ROR2: variants seen among roughly 807,000 people sequenced by gnomAD.
ROR2 encodes ROR family WNT receptor 2, also known as tyrosine-protein kinase transmembrane receptor ROR2.
Under a neutral mutation model 74.9 loss-of-function variants are expected in ROR2, and 33 were observed. The ratio of observed to expected loss-of-function variants is 0.44; its 90% CI spans 0.33 to 0.59. The LOEUF (loss-of-function observed/expected upper bound fraction) is 0.59. ROR2 is among the 20% of genes least tolerant of loss of function. The pLI is 0.02. For missense variants in ROR2, 1,216 were observed against 1,313.8 expected, an observed-to-expected ratio of 0.93 and a Z score of 1.15; for synonymous variants, 586 against 558.7, an observed-to-expected ratio of 1.05 and a Z score of -0.69.
intron 1 of ROR2, among the ~76,000 whole-genome samples, chr9:91,821,818 T>C (rs1301445281): frequency 1.3e-5 from 2 of 152,272 alleles, no homozygotes; most frequent in East Asian, 3.9e-4. Context: ...ATGCCCACTA[T>C]ACTATCTACT....
intron 1 of ROR2, among the ~76,000 whole-genome samples, chr9:91,845,030 A>G (rs1300948547): frequency 6.6e-6 from 1 of 152,208 alleles, no homozygotes; most frequent in Non-Finnish European, 1.5e-5. Flanking sequence ...TTATGAATCC[A>G]ATCCAGCAGA....
intron 1 of ROR2, among the ~76,000 whole-genome samples, chr9:91,841,950 A>AC (rs1334326196): frequency 6.6e-6 from 1 of 152,146 alleles, no homozygotes; most frequent in African/African-American, 2.4e-5. Flanking sequence ...AGAATGCCTT[A>AC]CCCAAGGCCA....
At chr9:91,852,511 T>C (rs1169849869) in intron 1 of ROR2, among the ~76,000 whole-genome samples, 3 of 152,056 alleles carry the variant, frequency 2.0e-5, no homozygotes, top group African/African-American at 7.2e-5. Context: ...TACAGGAGGA[T>C]TTCCTGAAAG....
At position 91,916,915 on chromosome 9, in the gene ROR2, G is replaced by A. The variant is rs115092830; in HGVS notation, c.97+32952C>T. On this transcript the variant is annotated intron_variant, in intron 1 of 8. Coordinates refer to ENST00000375708, the MANE Select transcript of ROR2 (RefSeq NM_004560.4). ...AAAGAAGAGGCTTCACTAGATGGTC[G>A]AGGTTGTCCCATGCTGGAGTGGAAA... Among the ~76,000 whole-genome samples the A allele has an allele frequency of 8.9e-4, 136 of 152,156 alleles. 1 individual carries two copies. The highest frequency in any genetic ancestry group is 3.0e-3 in the African/African-American group (124 of 41,502).
At chr9:91,837,345 T>G (rs1828640964) in intron 1 of ROR2, among the ~76,000 whole-genome samples, 1 of 152,250 alleles carries the variant, frequency 6.6e-6, no homozygotes, top group African/African-American at 2.4e-5. Context: ...GTGCTGGGAT[T>G]ACAGGCGTGA....
In ROR2 at chr9:91,755,796, T is replaced by C. The variant is rs1367326526; in HGVS notation, c.494+275A>G. ...CCTGGTGCCCAGGCAACCTGGCCTG[T>C]ATATTTATACTCCTCTCAGTAGCCC... is the stretch of plus-strand genomic sequence containing the variant. On this transcript the variant is annotated intron_variant, in intron 4 of 8. Coordinates refer to ENST00000375708, the MANE Select transcript of ROR2 (RefSeq NM_004560.4). 2.2e-5 allele frequency: 12 copies of C among 556,536 alleles called. No homozygotes were observed. In the African/African-American group the frequency reaches 2.3e-4, roughly 10 times the overall value. 34.5% of individuals were successfully genotyped at this position (556,536 alleles called of 1,614,324 possible). A position where few individuals can be genotyped will look rare whatever the true frequency, so the allele number is the denominator to read the frequency against.
chr9:91,744,384 G>A (rs950606945), intron 4 of ROR2, among the ~76,000 whole-genome samples: 4 of 151,626 alleles, frequency 2.6e-5, no homozygotes, highest in African/African-American at 9.7e-5. Flanking sequence ...ACCACACCCA[G>A]CTAATTTTTG....
chr9:91,840,944 G>A (rs1828764991), intron 1 of ROR2, among the ~76,000 whole-genome samples: 1 of 152,364 alleles, frequency 6.6e-6, no homozygotes, highest in Middle Eastern at 3.4e-3. Flanking sequence ...GTCATGGGCT[G>A]TATGCATTAA....
At chr9:91,857,425 G>A (rs1661201653) in intron 1 of ROR2, among the ~76,000 whole-genome samples, 1 of 152,172 alleles carries the variant, frequency 6.6e-6, no homozygotes, top group Non-Finnish European at 1.5e-5. Context: ...ACACAGCCTT[G>A]CCTTTATGAG....
intron 1 of ROR2, among the ~76,000 whole-genome samples, chr9:91,818,301 CTT>C (rs1222017936): frequency 1.3e-5 from 2 of 152,214 alleles, no homozygotes; most frequent in African/African-American, 4.8e-5. Context: ...GGCTAAATGT[CTT>C]TCATTCAGGG....
intron 1 of ROR2, among the ~76,000 whole-genome samples, chr9:91,788,454 G>A (rs550837275): frequency 7.9e-5 from 12 of 152,096 alleles, no homozygotes; most frequent in South Asian, 6.2e-4. Context: ...CAGGAGAAGC[G>A]GTTTATCTCA....
intron 1 of ROR2, among the ~76,000 whole-genome samples, chr9:91,888,738 A>C (rs893391920): frequency 1.3e-5 from 2 of 152,218 alleles, no homozygotes; most frequent in Admixed American, 1.3e-4. Flanking sequence ...AACTGGACAA[A>C]ACGAGCAGGA....
intron 1 of ROR2, among the ~76,000 whole-genome samples, chr9:91,835,453 G>A (rs983369106): frequency 2.6e-5 from 4 of 152,130 alleles, no homozygotes; most frequent in African/African-American, 9.7e-5. Flanking sequence ...AGCAGAAGGA[G>A]CAAAAACAGC....
At chr9:91,816,727 T>C (rs1431975361) in intron 1 of ROR2, among the ~76,000 whole-genome samples, 1 of 108,000 alleles carries the variant, frequency 9.3e-6, no homozygotes, top group Non-Finnish European at 1.7e-5. Context: ...TAGAATTGCC[T>C]GGTTCTACAT....
rs149826387 is a variant in ROR2, at chr9:91,723,810, T to C, written c.2684A>G (p.Asp895Gly). Residue 895 changes from aspartate to glycine, a missense_variant, in exon 9 of 9, where the codon GAT becomes GGT. Physicochemically the swap from Asp to Gly is moderately conservative, Grantham distance 94. Transcript: ENST00000375708. ...ATCTTCTGGGGCGTTCTGTGTGTCA[T>C]CAGCGCCCTCTGAGAGCAGGGCTGC... is the stretch of plus-strand genomic sequence containing the variant. ...DRAALLSEGA[D>G]DTQNAPEDGA... 709 of 1,613,894 alleles carry C rather than the reference T, an allele frequency of 4.4e-4. 1 individual carries two copies. The highest frequency in any genetic ancestry group is 5.6e-4 in the Non-Finnish European group (665 of 1,180,022).
At chr9:91,944,936 G>C (rs71494489) in intron 1 of ROR2, among the ~76,000 whole-genome samples, 1 of 152,110 alleles carries the variant, frequency 6.6e-6, no homozygotes, top group Admixed American at 6.5e-5. Flanking sequence ...CGTGCCTGTG[G>C]TTCCAGCTAC....
At chr9:91,932,299 A>C (rs543958545) in intron 1 of ROR2, among the ~76,000 whole-genome samples, 2 of 152,322 alleles carry the variant, frequency 1.3e-5, no homozygotes, top group East Asian at 3.9e-4. Context: ...CTCAAAATAT[A>C]TAAAACAAAA....
chr9:91,792,450 A>T lies in ROR2; in HGVS notation c.98-16632T>A, dbSNP rs1299054719. Among the ~76,000 whole-genome samples the T allele has an allele frequency of 3.3e-5, 5 of 152,136 alleles. No individual in the cohort carries two copies. In the East Asian group the frequency reaches 9.7e-4, roughly 29 times the overall value. Reference sequence around the variant, plus strand: ...CAGCCTCCTGAGTAGCTGGGACTACAGGCGCCCGCCACCACGCCCAGCTAA... The same window carrying T: ...CAGCCTCCTGAGTAGCTGGGACTACTGGCGCCCGCCACCACGCCCAGCTAA... On this transcript the variant is annotated intron_variant, in intron 1 of 8. Transcript: ENST00000375708.
chr9:91,799,145 T>A (rs1036241557), intron 1 of ROR2, among the ~76,000 whole-genome samples: 1 of 152,096 alleles, frequency 6.6e-6, no homozygotes, highest in South Asian at 2.1e-4. Context: ...GATGGAGTGG[T>A]TTCCTTTTCT....
Sources: allele counts gnomAD v4.1 joint callset (sites outside exome capture counted in the v4.1 genomes callset), GRCh38; gene constraint gnomAD v4.1.1; transcripts MANE v1.5; gene names NCBI Gene and HGNC (gene_info 2026-07-23, HGNC 2026-07-21).